KCND3: variants seen among roughly 807,000 people sequenced by gnomAD.
The protein encoded by KCND3 is potassium voltage-gated channel subfamily D member 3, also known as A-type voltage-gated potassium channel KCND3.
KCND3 carries 9 observed loss-of-function variants against 51.1 expected under a neutral mutation model. That is an observed-to-expected ratio of 0.18 (90% CI 0.11 to 0.31). The LOEUF is 0.31. Among genes scored for constraint, KCND3 ranks in the 10% least tolerant of loss-of-function variants. The pLI, the probability that KCND3 is intolerant of heterozygous loss-of-function variation, is 1.00. For synonymous variants in KCND3, 349 were observed against 368.0 expected (o/e 0.95, Z 0.59); for missense variants, 526 against 903.8 (o/e 0.58, Z 5.36).
At chr1:111,935,916 C>G (rs576425525) in intron 2 of KCND3, among the ~76,000 whole-genome samples, 1 of 152,194 alleles carries the variant, frequency 6.6e-6, no homozygotes, top group African/African-American at 2.4e-5. Context: ...ACACATGCCC[C>G]CTATGTAATC....
intron 2 of KCND3, among the ~76,000 whole-genome samples, chr1:111,897,936 G>A (rs1670198388): frequency 6.6e-6 from 1 of 152,284 alleles, no homozygotes; most frequent in East Asian, 1.9e-4. Flanking sequence ...GACACCAGCG[G>A]TTTCTTACCT....
chr1:111,875,044 C>T (rs941212656), intron 2 of KCND3, among the ~76,000 whole-genome samples: 4 of 152,128 alleles, frequency 2.6e-5, no homozygotes, highest in East Asian at 3.9e-4. Context: ...TCAAATGTCC[C>T]GAGGAGACGC....
intron 2 of KCND3, among the ~76,000 whole-genome samples, chr1:111,910,600 C>T (rs557797734): frequency 2.6e-5 from 4 of 152,190 alleles, no homozygotes; most frequent in African/African-American, 2.4e-5. Context: ...GAAATCTTCC[C>T]GAGAAGCAAC....
chr1:111,982,461 T>C lies in KCND3; in HGVS notation c.266A>G (p.Glu89Gly), dbSNP rs761309361. The C allele has an allele frequency of 6.2e-7, 1 of 1,612,590 alleles. No individual in the cohort carries two copies. The highest frequency in any genetic ancestry group is 8.5e-7 in the Non-Finnish European group (1 of 1,178,772). ...TKEYFFDRDPEVFRCVLNFYR... is the reference protein window; with the variant it reads ...TKEYFFDRDPGVFRCVLNFYR... ...GAAGTTGAGCACGCAGCGGAACACC[T>C]CGGGGTCCCGGTCGAAGAAGTACTC... Residue 89 changes from glutamate to glycine, a missense_variant, in exon 2 of 8, where the codon GAG (glutamate) becomes GGG (glycine). This residue lies in a region of KCND3 where 159 missense variants were observed against 262.8 expected (regional missense o/e 0.61). Transcript: ENST00000302127. The surrounding 1 kb of genome is among the most constrained non-coding windows in gnomAD (Gnocchi z 8.5).
rs1663990429 is a variant in KCND3 at position 111,773,351 on chromosome 1, T to C, written c.*2726A>G. The C allele has an allele frequency of 6.6e-6, 1 of 152,210 alleles. No homozygotes were observed. Among genetic ancestry groups the C allele is most frequent in the African/African-American group, 2.4e-5 (1 of 41,452 alleles). The allele number at this position is 152,210 out of a possible 1,614,324, so 9.4% of individuals were successfully genotyped here. On this transcript the variant is annotated 3_prime_UTR_variant, in exon 8 of 8. Coordinates refer to ENST00000302127, the MANE Select transcript of KCND3 (RefSeq NM_001378969.1). The stretch of plus-strand genomic sequence containing the variant: ...ACTATTCTAACCCTGTAATGATCTG[T>C]TCTTAAATTCATCACAGGAAGTTTG...
chr1:111,949,004 A>C (rs1363747097), intron 2 of KCND3, among the ~76,000 whole-genome samples: 2 of 152,156 alleles, frequency 1.3e-5, no homozygotes, highest in Non-Finnish European at 2.9e-5. Flanking sequence ...AACCACAACA[A>C]GCCTTTCTGA....
At chr1:111,894,710 C>T (rs1670014209) in intron 2 of KCND3, among the ~76,000 whole-genome samples, 1 of 152,212 alleles carries the variant, frequency 6.6e-6, no homozygotes, top group Admixed American at 6.5e-5. Context: ...GGTCATCAGG[C>T]CAGCAGCCAT....
intron 2 of KCND3, among the ~76,000 whole-genome samples, chr1:111,824,056 C>T (rs1666465057): frequency 6.8e-6 from 1 of 147,962 alleles, no homozygotes; most frequent in Admixed American, 6.8e-5. Flanking sequence ...GGGGAAAATG[C>T]AGAGGCAAAC....
intron 2 of KCND3, among the ~76,000 whole-genome samples, chr1:111,824,990 C>T (rs1666511266): frequency 6.6e-6 from 1 of 152,200 alleles, no homozygotes; most frequent in Admixed American, 6.5e-5. Context: ...TGGCAAGCAG[C>T]AGGACCCAGA....
chr1:111,970,947 G>C (rs758592262), intron 2 of KCND3, among the ~76,000 whole-genome samples: 8 of 152,152 alleles, frequency 5.3e-5, no homozygotes, highest in Non-Finnish European at 7.3e-5. Flanking sequence ...CTCCTAGAGG[G>C]GGCAGGTCAC....
chr1:111,844,099 G>T (rs907622666), intron 2 of KCND3, among the ~76,000 whole-genome samples: 1 of 152,146 alleles, frequency 6.6e-6, no homozygotes, highest in African/African-American at 2.4e-5. Flanking sequence ...AGGTGGATGT[G>T]TCTCTCAGGA....
chr1:111,988,602 C>T (rs533640298), intron 1 of KCND3: 1 of 152,256 alleles, frequency 6.6e-6, no homozygotes, highest in African/African-American at 2.4e-5. Context: ...ATACAGGCTC[C>T]CTCGAAGTAA....
At chr1:111,944,049 T>C (rs35278119) in intron 2 of KCND3, among the ~76,000 whole-genome samples, 40,434 of 152,174 alleles carry the variant, frequency 0.27, 5,749 homozygotes, top group Non-Finnish European at 0.3. Context: ...ATCCATCTTC[T>C]TGACAACTAT....
chr1:111,832,425 AG>A (rs1666874975), intron 2 of KCND3, among the ~76,000 whole-genome samples: 1 of 152,174 alleles, frequency 6.6e-6, no homozygotes, highest in African/African-American at 2.4e-5. Context: ...TGTCGACCAA[AG>A]CCATCTGTAA....
chr1:111,932,130 T>C (rs1672004217), intron 2 of KCND3, among the ~76,000 whole-genome samples: 1 of 152,186 alleles, frequency 6.6e-6, no homozygotes, highest in South Asian at 2.1e-4. Context: ...TCTTCCACCT[T>C]AAAGACCCTT....
At chr1:111,826,411 G>T (rs930696418) in intron 2 of KCND3, among the ~76,000 whole-genome samples, 10 of 152,124 alleles carry the variant, frequency 6.6e-5, no homozygotes, top group Admixed American at 3.9e-4. Context: ...TTTAGAGTGT[G>T]CAGCCATGGA....
intron 2 of KCND3, among the ~76,000 whole-genome samples, chr1:111,965,489 C>CACAT (rs1553184421): frequency 2.0e-5 from 3 of 150,172 alleles, no homozygotes; most frequent in Non-Finnish European, 4.4e-5. Context: ...CACACACACA[C>CACAT]GCCAGGAGCA....
intron 2 of KCND3, among the ~76,000 whole-genome samples, chr1:111,851,095 C>A (rs35881685): frequency 0.056 from 8,537 of 152,264 alleles, 403 homozygotes; most frequent in African/African-American, 0.12. Context: ...AACTCCTAAT[C>A]ATCCTTCAAA....
At chr1:111,859,191 T>G (rs1001294783) in intron 2 of KCND3, among the ~76,000 whole-genome samples, 4 of 152,258 alleles carry the variant, frequency 2.6e-5, no homozygotes, top group African/African-American at 9.6e-5. Context: ...GATGAGCTGA[T>G]GCTATGTGTC....
Sources: allele counts gnomAD v4.1 joint callset (sites outside exome capture counted in the v4.1 genomes callset), GRCh38; gene constraint gnomAD v4.1.1; regional missense constraint gnomAD v4.1.1; non-coding constraint Gnocchi (gnomAD v3.1); transcripts MANE v1.5; gene names NCBI Gene and HGNC (gene_info 2026-07-23, HGNC 2026-07-21).